Variants in VAV3 observed in about 807,000 individuals in gnomAD.
VAV3 encodes the protein vav guanine nucleotide exchange factor 3.
A neutral mutation model predicts 131.2 loss-of-function variants in VAV3; 94 were observed. The ratio of observed to expected loss-of-function variants is 0.72; its 90% confidence interval spans 0.61 to 0.85. The LOEUF is 0.85. VAV3 is among the 40% of genes least tolerant of loss of function. The pLI is 0.00. For missense variants in VAV3, 939 were observed against 1,002.7 expected (o/e 0.94, Z 0.86); for synonymous variants, 349 against 342.0 (o/e 1.02, Z -0.22).
rs187362721 is a variant in VAV3, at chr1:107,904,179, G to A, written c.205-29162C>T. Among the ~76,000 whole-genome samples, 193 of 152,146 alleles carry A rather than the reference G, an allele frequency of 1.3e-3. 3 individuals carry two copies. Among genetic ancestry groups the A allele is most frequent in the Admixed American group, 0.012 (190 of 15,256 alleles). On this transcript the variant is annotated intron_variant, in intron 1 of 26. Coordinates refer to ENST00000370056, the MANE Select transcript of VAV3 (RefSeq NM_006113.5). ...TAGACACTGGCCAAATGACCCTTTG[G>A]TATCAATCAGAAAAGGCACCCTTCC...
chr1:107,768,521 G>A lies in VAV3; in HGVS notation c.649-12C>T, dbSNP rs1294182502. ...GGTGCCATGAAATACTACCAGGAAA[G>A]AAGAAGAAAATAGTAATTAAGTATA... is the stretch of plus-strand genomic sequence containing the variant. On this transcript the variant is annotated splice_polypyrimidine_tract_variant and intron_variant, in intron 6 of 26. Transcript: ENST00000370056. 1.0e-5 allele frequency: 16 copies of A among 1,605,390 alleles called. No homozygotes were observed. In the East Asian group the frequency reaches 1.1e-4, roughly 11 times the overall value.
intron 24 of VAV3, among the ~76,000 whole-genome samples, chr1:107,598,470 T>G (rs1651571929): frequency 1.3e-5 from 2 of 152,218 alleles, no homozygotes; most frequent in Admixed American, 6.5e-5. Context: ...TTTCTTAGAC[T>G]TAAAATGTTA....
intron 2 of VAV3, among the ~76,000 whole-genome samples, chr1:107,836,681 G>T (rs928737962): frequency 6.6e-6 from 1 of 152,034 alleles, no homozygotes; most frequent in African/African-American, 2.4e-5. Context: ...CTGTCTAGAT[G>T]AACAAAAACA....
intron 1 of VAV3, among the ~76,000 whole-genome samples, chr1:107,916,256 T>TACC (rs1672615603): frequency 6.6e-6 from 1 of 152,234 alleles, no homozygotes. Flanking sequence ...GTGTTCTACC[T>TACC]ACCACTGGTA....
intron 20 of VAV3, among the ~76,000 whole-genome samples, chr1:107,628,186 G>A (rs1654179252): frequency 1.3e-5 from 2 of 152,102 alleles, no homozygotes; most frequent in Admixed American, 1.3e-4. Flanking sequence ...AATGGTTGGA[G>A]GTTTGAGAAA....
At chr1:107,596,444 C>T (rs1030026463) in intron 24 of VAV3, 103 bp from the exon 25 acceptor site, 340 of 1,286,064 alleles carry the variant, frequency 2.6e-4, no homozygotes, top group Non-Finnish European at 3.1e-4. Flanking sequence ...CAATTTAATG[C>T]TAAATTTTCC....
intron 25 of VAV3, among the ~76,000 whole-genome samples, chr1:107,574,996 TGCGTGCGCGCGC>T (rs1318523486): frequency 2.0e-5 from 1 of 49,148 alleles, no homozygotes; most frequent in Non-Finnish European, 4.2e-5. Flanking sequence ...TGTGTGTGCG[TGCGTGCGCGCGC>T]GCGCGCGCAC....
chr1:107,859,991 G>A (rs890464044), intron 2 of VAV3, among the ~76,000 whole-genome samples: 4 of 152,006 alleles, frequency 2.6e-5, no homozygotes, highest in African/African-American at 4.8e-5. Context: ...TTATTTTGAC[G>A]GCTGTACCAT....
intron 1 of VAV3, among the ~76,000 whole-genome samples, chr1:107,913,431 C>T (rs976572686): frequency 6.6e-6 from 1 of 152,180 alleles, no homozygotes; most frequent in Non-Finnish European, 1.5e-5. Context: ...TCGCTCACAG[C>T]AACAGCAATA....
intron 20 of VAV3, among the ~76,000 whole-genome samples, chr1:107,626,947 GA>G (rs1479794982): frequency 7.9e-5 from 12 of 152,178 alleles, no homozygotes; most frequent in African/African-American, 2.7e-4. Context: ...CACAGCTTTA[GA>G]AAATTCTACT....
At chr1:107,759,618 G>T (rs1664305640) in intron 10 of VAV3, among the ~76,000 whole-genome samples, 2 of 151,984 alleles carry the variant, frequency 1.3e-5, no homozygotes, top group South Asian at 4.1e-4. Context: ...ATTTTAAAAA[G>T]TCATCATGGA....
chr1:107,573,546 C>T (rs1404197495), intron 26 of VAV3, among the ~76,000 whole-genome samples, 174 bp from the exon 27 acceptor site: 5 of 151,974 alleles, frequency 3.3e-5, no homozygotes, highest in Admixed American at 1.3e-4. Context: ...AGTAAATGAT[C>T]GAAATGGAGG....
chr1:107,946,827 C>A (rs1054718441), intron 1 of VAV3, among the ~76,000 whole-genome samples: 1 of 152,184 alleles, frequency 6.6e-6, no homozygotes, highest in African/African-American at 2.4e-5. Flanking sequence ...CCCTCAACTA[C>A]CCAAGGGAAA....
At chr1:107,910,824 A>G (rs903239428) in intron 1 of VAV3, among the ~76,000 whole-genome samples, 7 of 152,106 alleles carry the variant, frequency 4.6e-5, no homozygotes, top group Non-Finnish European at 1.0e-4. Context: ...TACTAAAAAT[A>G]CTAAAATTAG....
At chr1:107,628,875 T>G (rs1422461477) in intron 20 of VAV3, among the ~76,000 whole-genome samples, 1 of 152,212 alleles carries the variant, frequency 6.6e-6, no homozygotes, top group African/African-American at 2.4e-5. Flanking sequence ...ATTTTCCATT[T>G]ACCCTCTTTA....
intron 5 of VAV3, among the ~76,000 whole-genome samples, chr1:107,771,402 G>A (rs376941305): frequency 1.3e-5 from 2 of 151,998 alleles, no homozygotes; most frequent in Admixed American, 1.3e-4. Flanking sequence ...ACAGGTGCCC[G>A]CCGCCACGCC....
intron 2 of VAV3, among the ~76,000 whole-genome samples, chr1:107,822,653 AAAAAAAAT>A (rs891292774): frequency 1.2e-3 from 45 of 36,276 alleles, no homozygotes; most frequent in East Asian, 4.0e-3. Flanking sequence ...ACTCCATCTC[AAAAAAAAT>A]AAATAAATAA....
chr1:107,932,980 C>T (rs1463961771), intron 1 of VAV3, among the ~76,000 whole-genome samples: 2 of 152,186 alleles, frequency 1.3e-5, no homozygotes, highest in Non-Finnish European at 2.9e-5. Context: ...TATTATCAGC[C>T]ACTAAATTTG....
intron 1 of VAV3, among the ~76,000 whole-genome samples, chr1:107,900,889 T>C (rs1671825363): frequency 6.6e-6 from 1 of 152,202 alleles, no homozygotes. Context: ...CACAAGTTAT[T>C]TTTTTACTCA....
Sources: gnomAD v4.1 joint callset for allele counts (sites outside exome capture counted in the v4.1 genomes callset) on GRCh38, gnomAD v4.1.1 for gene constraint, MANE v1.5 for transcripts, NCBI Gene and HGNC (gene_info 2026-07-23, HGNC 2026-07-21) for gene names.